Variants in NPAS3 observed in about 807,000 individuals in gnomAD.
The protein encoded by NPAS3 is neuronal PAS domain-containing protein 3.
Under a neutral mutation model 73.1 loss-of-function variants are expected in NPAS3, and 14 were observed. The observed-to-expected ratio is 0.19, with a 90% CI of 0.13 to 0.30. The LOEUF (loss-of-function observed/expected upper bound fraction) is 0.30. Ranked by LOEUF, NPAS3 falls within the 10% of genes least tolerant of loss-of-function variation. NPAS3 has a pLI of 1.00. For synonymous variants in NPAS3, 620 were observed against 541.5 expected (o/e 1.14, Z -2.01); for missense variants, 1,096 against 1,250.0 (o/e 0.88, Z 1.86).
At chr14:33,529,949 C>A (rs2053968504) in intron 4 of NPAS3, among the ~76,000 whole-genome samples, 1 of 152,082 alleles carries the variant, frequency 6.6e-6, no homozygotes, top group Admixed American at 6.6e-5. Context: ...ATGTGTTGAA[C>A]AACAGATTCC....
intron 2 of NPAS3, among the ~76,000 whole-genome samples, chr14:33,207,271 A>ACG (rs985084173): frequency 6.8e-5 from 9 of 132,446 alleles, no homozygotes; most frequent in African/African-American, 2.6e-4. Flanking sequence ...ACACACGCAC[A>ACG]CACACACACA....
At chr14:33,732,314 T>C (rs533470718) in intron 6 of NPAS3, among the ~76,000 whole-genome samples, 2 of 152,232 alleles carry the variant, frequency 1.3e-5, no homozygotes, top group African/African-American at 2.4e-5. Context: ...TCTCCCCCAA[T>C]AGAACCTTCA....
At chr14:33,797,366 A>C in intron 10 of NPAS3, 91 bp from the exon 11 acceptor site, 1 of 1,377,294 alleles carries the variant, frequency 7.3e-7, no homozygotes, top group South Asian at 1.3e-5. Flanking sequence ...AAACTCCAGA[A>C]GTCTGGGACA....
chr14:33,001,085 T>C (rs2038788027), intron 1 of NPAS3, among the ~76,000 whole-genome samples: 1 of 152,220 alleles, frequency 6.6e-6, no homozygotes, highest in South Asian at 2.1e-4. Context: ...CTTTTTTACA[T>C]CGGATCCAAT....
intron 4 of NPAS3, among the ~76,000 whole-genome samples, chr14:33,487,541 T>G (rs567903407): frequency 6.6e-6 from 1 of 152,282 alleles, no homozygotes; most frequent in Admixed American, 6.5e-5. Context: ...CTAGAGCAAA[T>G]TATAGTCATT....
intron 2 of NPAS3, among the ~76,000 whole-genome samples, chr14:33,150,010 C>G (rs769840438): frequency 6.6e-6 from 1 of 152,142 alleles, no homozygotes. Context: ...TTGTTCAACT[C>G]CCATTTATGA....
intron 3 of NPAS3, among the ~76,000 whole-genome samples, chr14:33,226,478 A>G (rs553031247): frequency 1.3e-5 from 2 of 152,340 alleles, no homozygotes; most frequent in East Asian, 3.9e-4. Context: ...TACAATGAAT[A>G]AAATTGGTAA....
chr14:33,316,494 G>A (rs2140218106), intron 3 of NPAS3, among the ~76,000 whole-genome samples: 1 of 152,128 alleles, frequency 6.6e-6, no homozygotes, highest in African/African-American at 2.4e-5. Flanking sequence ...TACCTCTTGA[G>A]ATATTACTTC....
At chr14:33,566,724 G>C (rs944570189) in intron 5 of NPAS3, among the ~76,000 whole-genome samples, 2 of 152,000 alleles carry the variant, frequency 1.3e-5, no homozygotes, top group African/African-American at 4.8e-5. Context: ...GTAGTTGCAG[G>C]GTGTTTTATT....
chr14:32,977,255 A>G (rs555203111), intron 1 of NPAS3, among the ~76,000 whole-genome samples: 9 of 151,428 alleles, frequency 5.9e-5, no homozygotes, highest in Non-Finnish European at 1.0e-4. Context: ...AAAATAGTCT[A>G]TAGGATCCAA....
chr14:33,779,774 G>A (rs1053566416), intron 9 of NPAS3, among the ~76,000 whole-genome samples: 1 of 152,152 alleles, frequency 6.6e-6, no homozygotes, highest in Non-Finnish European at 1.5e-5. Context: ...TCCACACAAT[G>A]ATGAAATACC....
intron 1 of NPAS3, among the ~76,000 whole-genome samples, chr14:32,975,758 A>AAC (rs796885448): frequency 1.3e-5 from 2 of 152,234 alleles, no homozygotes; most frequent in South Asian, 2.1e-4. Context: ...AATAAAACAA[A>AAC]ACAAAACAAC....
chr14:33,248,928 A>G (rs1381964130), intron 3 of NPAS3, among the ~76,000 whole-genome samples: 1 of 152,170 alleles, frequency 6.6e-6, no homozygotes, highest in Admixed American at 6.5e-5. Flanking sequence ...TGTGGCATAC[A>G]TACTTTCTTC....
intron 1 of NPAS3, among the ~76,000 whole-genome samples, chr14:32,994,112 G>A (rs560941242): frequency 1.3e-5 from 2 of 152,288 alleles, no homozygotes; most frequent in South Asian, 4.1e-4. Flanking sequence ...GGTGTTTTCT[G>A]GGGGAGCTGG....
chr14:33,082,560 G>C (rs1003388474), intron 2 of NPAS3, among the ~76,000 whole-genome samples: 1 of 152,150 alleles, frequency 6.6e-6, no homozygotes, highest in African/African-American at 2.4e-5. Context: ...ACGTTTAGAA[G>C]ACTGGAATAA....
At chr14:33,225,369 T>G (rs1033991155) in intron 3 of NPAS3, among the ~76,000 whole-genome samples, 1 of 152,226 alleles carries the variant, frequency 6.6e-6, no homozygotes, top group African/African-American at 2.4e-5. Flanking sequence ...GTATTACATT[T>G]TCTATTCTTC....
chr14:33,705,249 C>T (rs2060625115), intron 6 of NPAS3, among the ~76,000 whole-genome samples: 1 of 152,200 alleles, frequency 6.6e-6, no homozygotes, highest in Non-Finnish European at 1.5e-5. Context: ...TCCTCTCTCT[C>T]CTTCCTTCCA....
intron 5 of NPAS3, among the ~76,000 whole-genome samples, chr14:33,587,316 G>A (rs1228411469): frequency 6.6e-6 from 1 of 152,110 alleles, no homozygotes; most frequent in African/African-American, 2.4e-5. Context: ...AAAAAAACTA[G>A]CACTTATGAC....
At chr14:33,021,755 T>C (rs2039604745) in intron 1 of NPAS3, among the ~76,000 whole-genome samples, 1 of 152,204 alleles carries the variant, frequency 6.6e-6, no homozygotes, top group Non-Finnish European at 1.5e-5. Flanking sequence ...TTAACTTAGG[T>C]AATAAATAAA....
Sources: allele counts gnomAD v4.1 joint callset (sites outside exome capture counted in the v4.1 genomes callset), GRCh38; gene constraint gnomAD v4.1.1; transcripts MANE v1.5; gene names NCBI Gene and HGNC (gene_info 2026-07-23, HGNC 2026-07-21).